The following POLK variants were observed in gnomAD, a reference collection of about 807,000 sequenced individuals.
POLK encodes DNA polymerase kappa.
A neutral mutation model predicts 94.0 loss-of-function variants in POLK; 76 were observed. The ratio of observed to expected loss-of-function variants is 0.81; its 90% CI spans 0.67 to 0.98. The LOEUF is 0.98. POLK is among the 50% of genes least tolerant of loss of function. POLK has a pLI of 0.00. For missense variants in POLK, 954 were observed against 1,010.1 expected (o/e 0.94, Z 0.75); for synonymous variants, 349 against 325.4 (o/e 1.07, Z -0.78).
chr5:75,528,200 A>T (rs1379884068), intron 1 of POLK, among the ~76,000 whole-genome samples: 1 of 152,210 alleles, frequency 6.6e-6, no homozygotes, highest in Non-Finnish European at 1.5e-5. Flanking sequence ...TACTCCATGT[A>T]AGTAAAAAAA....
intron 7 of POLK, chr5:75,582,828 A>G (rs1416635194): frequency 6.5e-6 from 1 of 153,846 alleles, no homozygotes; most frequent in Non-Finnish European, 1.4e-5. Context: ...GCGTGCCTCT[A>G]ATCCCAGCTA....
At chr5:75,530,627 A>G (rs1487159306) in intron 1 of POLK, among the ~76,000 whole-genome samples, 1 of 150,906 alleles carries the variant, frequency 6.6e-6, no homozygotes, top group Non-Finnish European at 1.5e-5. Flanking sequence ...ATACTATAAG[A>G]GCCAAATGTT....
At chr5:75,514,180 G>A (rs1271846879) in intron 1 of POLK, among the ~76,000 whole-genome samples, 2 of 152,140 alleles carry the variant, frequency 1.3e-5, no homozygotes, top group African/African-American at 2.4e-5. Context: ...TGCTATAAAA[G>A]TAAGATATAA....
At chr5:75,594,135 C>T (rs926191175) in intron 12 of POLK, 86 bp downstream of exon 12, 3 of 853,488 alleles carry the variant, frequency 3.5e-6, no homozygotes, top group South Asian at 3.6e-5. Context: ...GGGCCCCCAA[C>T]TTAACAATGG....
intron 7 of POLK, 31 bp from the exon 8 acceptor site, chr5:75,583,262 C>G (rs199676535): frequency 3.6e-4 from 547 of 1,525,676 alleles, no homozygotes; most frequent in Admixed American, 6.7e-4. Context: ...ATATCAACTT[C>G]TTTGAGTCAT....
intron 1 of POLK, among the ~76,000 whole-genome samples, chr5:75,533,974 G>A (rs891159517): frequency 3.9e-5 from 6 of 152,088 alleles, no homozygotes; most frequent in Non-Finnish European, 7.4e-5. Context: ...TCACATCAAG[G>A]AGCTTTTGGA....
rs1048114463 is a variant in POLK at position 75,542,402 on chromosome 5, G to A, written c.-13-4608G>A. ...TTTGGTATATTTTGCATATTTTCTG[G>A]TAGATTAATTCCAGGTGACTTTGAT... is the stretch of plus-strand genomic sequence containing the variant. On this transcript the variant is annotated intron_variant, in intron 1 of 14. Coordinates refer to ENST00000241436, the Ensembl canonical transcript of POLK. 2.6e-5 allele frequency among the ~76,000 whole-genome samples: 4 copies of A among 151,296 alleles called. No individual in the cohort carries two copies. In the East Asian group the frequency reaches 5.8e-4, roughly 22 times the overall value.
chr5:75,530,245 C>CTTTTTTTTTTT (rs575507126), intron 1 of POLK, among the ~76,000 whole-genome samples: 6 of 95,932 alleles, frequency 6.3e-5, no homozygotes, highest in Non-Finnish European at 8.5e-5. Context: ...ATTTGTATTT[C>CTTTTTTTTTTT]TTTTTTTTTT....
At chr5:75,569,947 A>G (rs934027941) in intron 4 of POLK, among the ~76,000 whole-genome samples, 72 of 152,172 alleles carry the variant, frequency 4.7e-4, no homozygotes, top group African/African-American at 1.6e-3. Context: ...TCACCCCCAG[A>G]TGGGATTCTC....
At chr5:75,593,107 C>T (rs950010221) in intron 11 of POLK, among the ~76,000 whole-genome samples, 13 of 151,898 alleles carry the variant, frequency 8.6e-5, no homozygotes, top group African/African-American at 2.7e-4. Flanking sequence ...GGGAAGTAAA[C>T]GTTTTTGGCT....
chr5:75,582,155 A>T, intron 7 of POLK: 1 of 986,406 alleles, frequency 1.0e-6, no homozygotes, highest in Non-Finnish European at 1.2e-6. Context: ...AACTAGCAAC[A>T]TAGCAATCCA....
chr5:75,535,842 AC>A (rs1347601180), intron 1 of POLK, among the ~76,000 whole-genome samples: 1 of 152,156 alleles, frequency 6.6e-6, no homozygotes, highest in African/African-American at 2.4e-5. Flanking sequence ...TTGGTCTATT[AC>A]CTCCTGTACT....
Position 75,522,460 on chromosome 5 carries a change from T to C in POLK, c.-14+10546T>C, listed in dbSNP as rs143735471. Among the ~76,000 whole-genome samples, 316 of 152,328 alleles carry C rather than the reference T, an allele frequency of 2.1e-3. 1 individual carries two copies. The East Asian group carries it at 0.027, about 13-fold the overall frequency. On this transcript the variant is annotated intron_variant, in intron 1 of 14. Transcript: ENST00000241436. Reference sequence around the variant, plus strand: ...ATGAAGCCAGCTTACTTCTACTTACTATTTTGGAACCCAAAACCGGTTTCA... The same window carrying C: ...ATGAAGCCAGCTTACTTCTACTTACCATTTTGGAACCCAAAACCGGTTTCA...
At chr5:75,539,338 G>A (rs958686400) in intron 1 of POLK, among the ~76,000 whole-genome samples, 2 of 151,700 alleles carry the variant, frequency 1.3e-5, no homozygotes, top group Non-Finnish European at 2.9e-5. Context: ...ATTTAGGCAT[G>A]TATGATATGA....
chr5:75,559,253 C>G (rs555929039), intron 3 of POLK, among the ~76,000 whole-genome samples: 2 of 152,242 alleles, frequency 1.3e-5, no homozygotes, highest in East Asian at 3.9e-4. Context: ...TGAACTATTG[C>G]TAGTCGAGCT....
exon 7 of POLK, chr5:75,581,348 A>G (rs1772183080): frequency 6.2e-7 from 1 of 1,613,806 alleles, no homozygotes; most frequent in African/African-American, 1.3e-5. Flanking sequence ...ACAATCCTCA[A>G]ATACTCCAAA....
At chr5:75,550,026 C>T (rs1438345518) in intron 2 of POLK, among the ~76,000 whole-genome samples, 1 of 152,104 alleles carries the variant, frequency 6.6e-6, no homozygotes, top group East Asian at 1.9e-4. Flanking sequence ...GGCCATTTGG[C>T]TTCTCTGGTG....
At chr5:75,578,328 T>C (rs1772015395) in intron 6 of POLK, among the ~76,000 whole-genome samples, 2 of 152,244 alleles carry the variant, frequency 1.3e-5, no homozygotes, top group South Asian at 4.2e-4. Context: ...ACTAATTTTT[T>C]GTATTTTTAG....
chr5:75,602,457 G>C (rs554141403), downstream of POLK, among the ~76,000 whole-genome samples: 2 of 152,182 alleles, frequency 1.3e-5, no homozygotes, highest in Admixed American at 1.3e-4. Context: ...GGGCCAGTAC[G>C]TGAAGACACC....
Sources: allele counts gnomAD v4.1 joint callset (sites outside exome capture counted in the v4.1 genomes callset), GRCh38; gene constraint gnomAD v4.1.1; transcripts MANE v1.5; gene names NCBI Gene and HGNC (gene_info 2026-07-23, HGNC 2026-07-21).